CLOCK: variants seen among roughly 807,000 people sequenced by gnomAD.
CLOCK encodes clock circadian regulator.
CLOCK carries 43 observed loss-of-function variants against 118.4 expected under a neutral mutation model. The ratio of observed to expected loss-of-function variants is 0.36; its 90% CI spans 0.28 to 0.47. The LOEUF is 0.47. Ranked by LOEUF, CLOCK falls within the 20% of genes least tolerant of loss-of-function variation. CLOCK has a pLI of 1.00. For synonymous variants in CLOCK, 326 were observed against 339.2 expected, an observed-to-expected ratio of 0.96 and a Z score of 0.43; for missense variants, 846 against 999.9, an observed-to-expected ratio of 0.85 and a Z score of 2.08.
intron 3 of CLOCK, among the ~76,000 whole-genome samples, chr4:55,487,384 T>C (rs1167619076): frequency 2.0e-5 from 3 of 152,192 alleles, no homozygotes; most frequent in African/African-American, 7.2e-5. Context: ...GGCTATCAGG[T>C]TGAAATATTT....
intron 1 of CLOCK, among the ~76,000 whole-genome samples, chr4:55,544,165 GACACACAC>G (rs35842826): frequency 0.013 from 1,858 of 148,164 alleles, 26 homozygotes; most frequent in African/African-American, 0.04. Flanking sequence ...GAAACAACCA[GACACACAC>G]ACACACACAC....
At chr4:55,537,862 T>A (rs1731005838) in intron 1 of CLOCK, among the ~76,000 whole-genome samples, 1 of 151,528 alleles carries the variant, frequency 6.6e-6, no homozygotes, top group Non-Finnish European at 1.5e-5. Context: ...AGAAAAAAGG[T>A]CACAAATCAA....
intron 1 of CLOCK, among the ~76,000 whole-genome samples, chr4:55,512,499 C>T (rs1349468531): frequency 6.6e-6 from 1 of 152,090 alleles, no homozygotes; most frequent in Non-Finnish European, 1.5e-5. Context: ...TCAAATATGT[C>T]TTTTGCAAAT....
chr4:55,538,834 C>A (rs562862159), intron 1 of CLOCK, among the ~76,000 whole-genome samples: 7 of 152,332 alleles, frequency 4.6e-5, no homozygotes, highest in Admixed American at 6.5e-5. Flanking sequence ...TTCAATAAGA[C>A]TGGTAGCTGA....
chr4:55,479,001 A>C, intron 5 of CLOCK, 38 bp from the exon 6 acceptor site: 1 of 1,487,824 alleles, frequency 6.7e-7, no homozygotes, highest in Non-Finnish European at 9.2e-7. Context: ...TAAACAATCC[A>C]TTTAATTACA....
Position 55,443,682 on chromosome 4 carries a change from A to G in CLOCK, c.1902+5T>C. 6.2e-6 allele frequency: 10 copies of G among 1,611,598 alleles called. No individual in the cohort carries two copies. The highest frequency in any genetic ancestry group is 1.7e-4 in the Middle Eastern group (1 of 6,054). ...TCCATAGCCCGCTGTGCTCAGTAACATTACCTGAGTTGATGTACTCTGTAA... is the reference window on the plus strand; with the variant it reads ...TCCATAGCCCGCTGTGCTCAGTAACGTTACCTGAGTTGATGTACTCTGTAA... On this transcript the variant is annotated splice_donor_5th_base_variant and intron_variant, in intron 20 of 22. Coordinates refer to ENST00000513440, the MANE Select transcript of CLOCK (RefSeq NM_004898.4).
intron 11 of CLOCK, among the ~76,000 whole-genome samples, chr4:55,456,685 ATTTC>A (rs1464963212): frequency 6.6e-6 from 1 of 151,950 alleles, no homozygotes; most frequent in Non-Finnish European, 1.5e-5. Flanking sequence ...ATATTTACCT[ATTTC>A]TTTGTTTGAC....
chr4:55,449,648 TGTA>T, intron 16 of CLOCK, 152 bp from the exon 17 acceptor site: 1 of 675,002 alleles, frequency 1.5e-6, no homozygotes, highest in East Asian at 2.7e-5. Context: ...GATGATTCAA[TGTA>T]GTTACTTCTA....
rs1316052878 is a variant in CLOCK, at chr4:55,443,818, G to C, written c.1771C>G (p.Gln591Glu). 2 of 1,613,902 alleles carry C rather than the reference G, an allele frequency of 1.2e-6. No homozygotes were observed. Among genetic ancestry groups the C allele is most frequent in the African/African-American group, 1.3e-5 (1 of 74,912 alleles). ...CCTTGCATATTTATAGGTGCAAGTT[G>C]CTGGATATTAGATGAATTTCCAGAA... Reference protein sequence around the residue: ...LSSGNSSNIQQLAPINMQGQV... With the variant: ...LSSGNSSNIQELAPINMQGQV... Residue 591 changes from glutamine (Q) to glutamate (E), a missense_variant, in exon 20 of 23, where the codon CAA (glutamine) becomes GAA (glutamate). By Grantham distance (29) the Gln-to-Glu change is conservative. This residue lies in a region of CLOCK where 520 missense variants were observed against 558.0 expected (regional missense o/e 0.93). Coordinates refer to ENST00000513440, the MANE Select transcript of CLOCK (RefSeq NM_004898.4).
At chr4:55,531,480 G>C (rs1178920552) in intron 1 of CLOCK, among the ~76,000 whole-genome samples, 2 of 151,926 alleles carry the variant, frequency 1.3e-5, no homozygotes, top group South Asian at 2.1e-4. Flanking sequence ...GCCGAGAAGG[G>C]TGGATCACAA....
rs56157186 is a variant in CLOCK, at chr4:55,445,582, C to CTTTTTTTTTTTTTTTTTTTTTTT, written c.1540-820_1540-798dup. On this transcript the variant is annotated intron_variant, in intron 18 of 22. Transcript: ENST00000513440. Reference sequence around the variant, plus strand: ...TCTCTGCATCTGCTATTTCTATATTCTTTTTTTTTTTTTTTTTTTTTTTTT... The same window carrying CTTTTTTTTTTTTTTTTTTTTTTT: ...TCTCTGCATCTGCTATTTCTATATTCTTTTTTTTTTTTTTTTTTTTTTTTTTTTTTTTTTTTTTTTTTTTTTTT... Among the ~76,000 whole-genome samples, 67 of 68,586 alleles carry CTTTTTTTTTTTTTTTTTTTTTTT rather than the reference C, an allele frequency of 9.8e-4. 14 individuals are homozygous for CTTTTTTTTTTTTTTTTTTTTTTT. The highest frequency in any genetic ancestry group is 1.5e-3 in the East Asian group (3 of 2,020). The allele number at this position is 68,586 out of a possible 152,430, so 45.0% of individuals were successfully genotyped here.
intron 15 of CLOCK, among the ~76,000 whole-genome samples, chr4:55,450,547 C>G (rs913117917): frequency 1.3e-5 from 2 of 152,132 alleles, no homozygotes; most frequent in African/African-American, 4.8e-5. Flanking sequence ...GCAGGCAGAT[C>G]ACCTGAGGTC....
intron 1 of CLOCK, among the ~76,000 whole-genome samples, chr4:55,530,774 CAAAA>C (rs60810379): frequency 8.5e-4 from 28 of 33,048 alleles, no homozygotes; most frequent in African/African-American, 3.1e-3. Context: ...GACTCCATCG[CAAAA>C]AAAAAAAAAA....
rs1723472255 is a variant in CLOCK, at chr4:55,442,715, C to T, written c.1903-81G>A. The T allele has an allele frequency of 3.4e-5, 38 of 1,130,240 alleles. 2 individuals are homozygous for T. In the South Asian group the frequency reaches 4.9e-4, roughly 15 times the overall value. 70.0% of individuals were successfully genotyped at this position (1,130,240 alleles called of 1,614,324 possible). On this transcript the variant is annotated intron_variant, in intron 20 of 22. Transcript: ENST00000513440. ...AGTATGCTAGAATTCATCATTCTAA[C>T]AATATGACAATATGACAGAGAAAGA...
rs1728399228 is a variant in CLOCK at position 55,501,041 on chromosome 4, A to T, written c.-136+8871T>A. Among the ~76,000 whole-genome samples, 4 of 152,004 alleles carry T rather than the reference A, an allele frequency of 2.6e-5. No individual in the cohort carries two copies. In the South Asian group the frequency reaches 8.3e-4, roughly 32 times the overall value. On this transcript the variant is annotated intron_variant, in intron 2 of 22. Transcript: ENST00000513440. ...GCTAATTTTTGTGTTTTTAGAAGAG[A>T]CGAGGTCTTGCTATGTTGCCCAGGC...
chr4:55,433,663 A>G lies in CLOCK; in HGVS notation c.*1752T>C, dbSNP rs1327118048. 6.6e-6 allele frequency: 1 copy of G among 152,126 alleles called. No homozygotes were observed. The highest frequency in any genetic ancestry group is 1.9e-4 in the East Asian group (1 of 5,196). 9.4% of individuals were successfully genotyped at this position (152,126 alleles called of 1,614,324 possible). A position where few individuals can be genotyped will look rare whatever the true frequency, so the allele number is the denominator to read the frequency against. ...TCAGTAATAACATTTTTTATATTCT[A>G]ATAATGTATTTTCTACTAATCCTCT... On this transcript the variant is annotated 3_prime_UTR_variant, in exon 23 of 23. Transcript: ENST00000513440.
intron 1 of CLOCK, among the ~76,000 whole-genome samples, chr4:55,523,580 G>T (rs1729978015): frequency 6.6e-6 from 1 of 152,092 alleles, no homozygotes; most frequent in African/African-American, 2.4e-5. Flanking sequence ...TACATGACAT[G>T]GGTAATGTCC....
intron 8 of CLOCK, 140 bp from the exon 9 acceptor site, chr4:55,463,945 ATCTC>A: frequency 2.4e-6 from 2 of 820,796 alleles, no homozygotes; most frequent in Admixed American, 2.9e-5. Context: ...TATAGACCAA[ATCTC>A]AAAAAATAAG....
At chr4:55,435,690 C>A in intron 22 of CLOCK, 96 bp from the exon 23 acceptor site, 2 of 1,286,580 alleles carry the variant, frequency 1.6e-6, no homozygotes, top group Non-Finnish European at 2.2e-6. Flanking sequence ...GGGACAAAAT[C>A]CTTAAAATTC....
Sources: gnomAD v4.1 joint callset for allele counts (sites outside exome capture counted in the v4.1 genomes callset) on GRCh38, gnomAD v4.1.1 for gene constraint, gnomAD v4.1.1 regional missense constraint, MANE v1.5 for transcripts, NCBI Gene and HGNC (gene_info 2026-07-23, HGNC 2026-07-21) for gene names.